The following SGCZ variants were observed in gnomAD, a reference collection of about 807,000 sequenced individuals.
The protein encoded by SGCZ is zeta-sarcoglycan.
A neutral mutation model predicts 41.3 loss-of-function variants in SGCZ; 40 were observed. The observed-to-expected ratio is 0.97, with a 90% CI of 0.75 to 1.26. SGCZ has a LOEUF of 1.26. SGCZ is among the 50% of genes most tolerant of loss of function. The pLI is 0.00. For missense variants in SGCZ, 552 were observed against 369.8 expected, an observed-to-expected ratio of 1.49 and a Z score of -4.04; for synonymous variants, 206 against 137.5, an observed-to-expected ratio of 1.50 and a Z score of -3.49.
chr8:14,798,463 A>G (rs377277863), intron 1 of SGCZ, among the ~76,000 whole-genome samples: 1 of 152,298 alleles, frequency 6.6e-6, no homozygotes, highest in African/African-American at 2.4e-5. Context: ...ACCTAAATGC[A>G]ACTTACAGAA....
At chr8:14,630,791 T>A (rs1806622391) in intron 1 of SGCZ, among the ~76,000 whole-genome samples, 1 of 146,214 alleles carries the variant, frequency 6.8e-6, no homozygotes, top group Non-Finnish European at 1.5e-5. Flanking sequence ...AAACACCACG[T>A]GTTCTCACTC....
intron 2 of SGCZ, among the ~76,000 whole-genome samples, chr8:14,431,532 A>T (rs1414324510): frequency 6.6e-6 from 1 of 152,204 alleles, no homozygotes; most frequent in Non-Finnish European, 1.5e-5. Context: ...CTTATACAAA[A>T]ATCAACTCAA....
intron 1 of SGCZ, among the ~76,000 whole-genome samples, chr8:14,807,907 A>G (rs1366084103): frequency 6.6e-6 from 1 of 152,068 alleles, no homozygotes; most frequent in Non-Finnish European, 1.5e-5. Context: ...AACAGAACAG[A>G]GCCCTCAGAA....
intron 2 of SGCZ, among the ~76,000 whole-genome samples, chr8:14,442,981 T>G (rs975591623): frequency 6.6e-6 from 1 of 152,038 alleles, no homozygotes; most frequent in Admixed American, 6.6e-5. Context: ...ACAAAATCAA[T>G]GTACAAAAAT....
intron 2 of SGCZ, among the ~76,000 whole-genome samples, chr8:14,425,060 A>G (rs555291608): frequency 6.6e-6 from 1 of 152,092 alleles, no homozygotes; most frequent in Non-Finnish European, 1.5e-5. Context: ...CTACTTTTTT[A>G]TTCCATTTTT....
intron 1 of SGCZ, among the ~76,000 whole-genome samples, chr8:14,665,154 C>T (rs981198915): frequency 2.0e-5 from 3 of 151,876 alleles, no homozygotes; most frequent in Non-Finnish European, 4.4e-5. Flanking sequence ...TAATGCTATC[C>T]CTCCCCCCTC....
intron 1 of SGCZ, among the ~76,000 whole-genome samples, chr8:15,151,017 T>G (rs1488680620): frequency 6.6e-6 from 1 of 152,238 alleles, no homozygotes; most frequent in Non-Finnish European, 1.5e-5. Context: ...GTGGACCTAT[T>G]GGCTTCTATC....
At chr8:14,808,702 C>A (rs1801635106) in intron 1 of SGCZ, among the ~76,000 whole-genome samples, 1 of 151,944 alleles carries the variant, frequency 6.6e-6, no homozygotes, top group South Asian at 2.1e-4. Flanking sequence ...ACTAGAAATA[C>A]CATTTGACCC....
intron 1 of SGCZ, among the ~76,000 whole-genome samples, chr8:15,225,929 T>C (rs76357861): frequency 0.051 from 7,838 of 152,296 alleles, 277 homozygotes; most frequent in Middle Eastern, 0.082. Context: ...ATCCCATGCC[T>C]GCTTTGATCT....
At position 14,881,752 on chromosome 8, in the gene SGCZ, C is replaced by A. The variant is rs1472190061; in HGVS notation, c.40-326826G>T. The stretch of plus-strand genomic sequence containing the variant: ...GTACCTGATAGGTATCAACAGAATT[C>A]TCCATCCAAAAATAACAGAATATAC... On this transcript the variant is annotated intron_variant, in intron 1 of 7. Transcript: ENST00000382080. 3.9e-5 allele frequency among the ~76,000 whole-genome samples: 6 copies of A among 152,322 alleles called. 1 individual carries two copies. In the South Asian group the frequency reaches 1.2e-3, roughly 32 times the overall value.
At chr8:14,416,881 G>A (rs1799507164) in intron 2 of SGCZ, among the ~76,000 whole-genome samples, 1 of 151,830 alleles carries the variant, frequency 6.6e-6, no homozygotes, top group Non-Finnish European at 1.5e-5. Flanking sequence ...ACTAAATTCT[G>A]TAATCCTATG....
intron 4 of SGCZ, among the ~76,000 whole-genome samples, chr8:14,199,243 A>G (rs1461875387): frequency 3.3e-5 from 5 of 152,250 alleles, no homozygotes; most frequent in African/African-American, 9.6e-5. Flanking sequence ...TGCTTTGGCG[A>G]TGGCTGTCAT....
intron 1 of SGCZ, among the ~76,000 whole-genome samples, chr8:14,868,094 CT>C (rs1803998714): frequency 6.6e-6 from 1 of 152,124 alleles, no homozygotes; most frequent in Non-Finnish European, 1.5e-5. Flanking sequence ...CTCTTTCACA[CT>C]TGTAAGCCTC....
In SGCZ at chr8:14,606,708, C is replaced by T. The variant is rs139323292; in HGVS notation, c.40-51782G>A. Among the ~76,000 whole-genome samples, 681 of 152,264 alleles carry T rather than the reference C, an allele frequency of 4.5e-3. 3 individuals are homozygous for T. The highest frequency in any genetic ancestry group is 7.4e-3 in the Non-Finnish European group (504 of 68,016). On this transcript the variant is annotated intron_variant, in intron 1 of 7. Transcript: ENST00000382080. ...CACAGGTATTTTGTTCACCACAGTA[C>T]ATGAAGTATACAGCAAAATCCCTGG...
At chr8:14,977,370 C>A (rs548441527) in intron 1 of SGCZ, among the ~76,000 whole-genome samples, 2 of 152,220 alleles carry the variant, frequency 1.3e-5, no homozygotes, top group South Asian at 4.2e-4. Context: ...ATCCATGTAC[C>A]CAGCACTAAA....
chr8:14,501,495 A>G (rs2117052754), intron 2 of SGCZ, among the ~76,000 whole-genome samples: 1 of 152,198 alleles, frequency 6.6e-6, no homozygotes, highest in African/African-American at 2.4e-5. Flanking sequence ...AATGTATTTT[A>G]GCTCTTATAA....
chr8:14,414,893 T>C (rs1445486622), intron 2 of SGCZ, among the ~76,000 whole-genome samples: 1 of 151,956 alleles, frequency 6.6e-6, no homozygotes, highest in Non-Finnish European at 1.5e-5. Flanking sequence ...GTAACCTACT[T>C]TGAAATTATT....
At chr8:15,104,278 T>A (rs756315790) in intron 1 of SGCZ, among the ~76,000 whole-genome samples, 2 of 152,142 alleles carry the variant, frequency 1.3e-5, no homozygotes, top group African/African-American at 2.4e-5. Flanking sequence ...ATACAGTCTC[T>A]TATACAGGAG....
intron 2 of SGCZ, among the ~76,000 whole-genome samples, chr8:14,455,967 T>C (rs1800730971): frequency 6.6e-6 from 1 of 152,208 alleles, no homozygotes; most frequent in African/African-American, 2.4e-5. Flanking sequence ...AGATTTGTAG[T>C]TACCTACAGT....
Sources: allele counts gnomAD v4.1 joint callset (sites outside exome capture counted in the v4.1 genomes callset), GRCh38; gene constraint gnomAD v4.1.1; transcripts MANE v1.5; gene names NCBI Gene and HGNC (gene_info 2026-07-23, HGNC 2026-07-21).